Variants in CCDC171 observed in about 807,000 individuals in gnomAD.
CCDC171 encodes coiled-coil domain containing 171.
Under a neutral mutation model 168.2 loss-of-function variants are expected in CCDC171, and 177 were observed. The ratio of observed to expected loss-of-function variants is 1.05; its 90% CI spans 0.93 to 1.19. The LOEUF is 1.19. Among genes scored for constraint, CCDC171 ranks in the 50% most tolerant of loss-of-function variants. The pLI is 0.00. For synonymous variants in CCDC171, 687 were observed against 540.8 expected (o/e 1.27, Z -3.75); for missense variants, 1,991 against 1,539.0 (o/e 1.29, Z -4.91).
chr9:15,572,085 T>A (rs2040270777), intron 3 of CCDC171, among the ~76,000 whole-genome samples: 1 of 152,308 alleles, frequency 6.6e-6, no homozygotes, highest in Admixed American at 6.5e-5. Context: ...TAGGTTCCTT[T>A]AAGGTCTCCA....
In CCDC171 at chr9:15,617,941, C is replaced by T. The variant is rs569862533; in HGVS notation, c.676-5326C>T. On this transcript the variant is annotated intron_variant, in intron 6 of 25. Transcript: ENST00000380701. ...GAGCTCTCTTATATGAGGTGTCTGT[C>T]GATCCCTATTGGGAGGTCTCTCCCA... 2.0e-4 allele frequency among the ~76,000 whole-genome samples: 30 copies of T among 152,290 alleles called. No individual in the cohort carries two copies. The East Asian group carries it at 2.9e-3, about 15-fold the overall frequency.
intron 4 of CCDC171, among the ~76,000 whole-genome samples, chr9:15,588,815 C>G (rs952433404): frequency 2.7e-5 from 4 of 150,316 alleles, no homozygotes; most frequent in Non-Finnish European, 5.9e-5. Flanking sequence ...TCACGTCATT[C>G]TTCTGCCTCA....
chr9:16,106,549 A>C, the CCDC171 span, among the ~76,000 whole-genome samples: 1 of 152,170 alleles, frequency 6.6e-6, no homozygotes, highest in Non-Finnish European at 1.5e-5. Flanking sequence ...GTAAACTGTG[A>C]ATTAGAAACA....
rs764952969 is a variant in CCDC171, at chr9:15,971,872, G to A, written c.*36G>A. 7 of 1,523,070 alleles carry A rather than the reference G, an allele frequency of 4.6e-6. No individual in the cohort carries two copies. Among genetic ancestry groups the A allele is most frequent in the South Asian group, 3.4e-5 (3 of 87,366 alleles). The allele number at this position is 1,523,070 out of a possible 1,614,324, so 94.3% of individuals were successfully genotyped here. On this transcript the variant is annotated 3_prime_UTR_variant, in exon 26 of 26. Coordinates refer to ENST00000380701, the MANE Select transcript of CCDC171 (RefSeq NM_173550.4). ...TTAAAAAATGGAGGAAGAGTTAACA[G>A]TACAATTAAAATTGTTTTGAATGGG...
intron 23 of CCDC171, among the ~76,000 whole-genome samples, chr9:15,853,319 T>C (rs571338828): frequency 1.3e-3 from 192 of 151,902 alleles, no homozygotes; most frequent in Middle Eastern, 6.8e-3. Context: ...TATTCTTAAG[T>C]ATTTTATAAT....
intron 7 of CCDC171, among the ~76,000 whole-genome samples, chr9:15,653,916 G>T (rs944557417): frequency 1.3e-4 from 20 of 152,182 alleles, no homozygotes; most frequent in Non-Finnish European, 2.4e-4. Flanking sequence ...AAAGATTGGG[G>T]TTTAAAAAAA....
rs149826602 is a variant in CCDC171, at chr9:15,780,890, A to T, written c.3081+1740A>T. 5.0e-3 allele frequency among the ~76,000 whole-genome samples: 766 copies of T among 152,214 alleles called. 9 individuals carry two copies. The highest frequency in any genetic ancestry group is 0.017 in the African/African-American group (717 of 41,512). On this transcript the variant is annotated intron_variant, in intron 20 of 25. Coordinates refer to ENST00000380701, the MANE Select transcript of CCDC171 (RefSeq NM_173550.4). The stretch of plus-strand genomic sequence containing the variant: ...TTTTCCATTTTTTGCCATTTTACTT[A>T]AATAATAAAGAGATGTTTATACTTT...
chr9:15,843,533 C>T (rs1050665947), intron 21 of CCDC171, among the ~76,000 whole-genome samples: 8 of 152,004 alleles, frequency 5.3e-5, no homozygotes, highest in African/African-American at 1.4e-4. Flanking sequence ...TATCTCAAGG[C>T]TGTGCTGTTC....
chr9:15,766,663 A>AT (rs35116979), intron 18 of CCDC171, among the ~76,000 whole-genome samples: 66,248 of 151,344 alleles, frequency 0.44, 14,837 homozygotes, highest in Non-Finnish European at 0.48. Context: ...TTTATTTTAT[A>AT]TTTTTTGAGA....
the CCDC171 span, among the ~76,000 whole-genome samples, chr9:16,070,617 T>A: frequency 7.9e-5 from 12 of 152,294 alleles, no homozygotes; most frequent in African/African-American, 2.9e-4. Flanking sequence ...TGGGTGTGAC[T>A]GTCTTCAGAC....
At chr9:15,937,147 C>T (rs909062913) in intron 25 of CCDC171, among the ~76,000 whole-genome samples, 2 of 151,988 alleles carry the variant, frequency 1.3e-5, no homozygotes, top group African/African-American at 2.4e-5. Context: ...GTTGGTTTAA[C>T]CGCCCAATTT....
intron 10 of CCDC171, 50 bp downstream of exon 10, chr9:15,678,946 T>C (rs1237791597): frequency 2.9e-6 from 4 of 1,361,020 alleles, no homozygotes; most frequent in Non-Finnish European, 4.1e-6. Context: ...TAGGTCATAT[T>C]GGATGTATAG....
At position 15,824,611 on chromosome 9, in the gene CCDC171, AG is replaced by A. The variant is rs200026167; in HGVS notation, c.3268-22090del. ...ATGACTTTCACAGAATTCCTTTTGT[AG>A]TTAAAAAACATCTTTTATTAAAATA... is the stretch of plus-strand genomic sequence containing the variant. On this transcript the variant is annotated intron_variant, in intron 21 of 25. Transcript: ENST00000380701. Among the ~76,000 whole-genome samples the A allele has an allele frequency of 4.0e-3, 612 of 152,250 alleles. 18 individuals carry two copies. In the East Asian group the frequency reaches 0.051, roughly 13 times the overall value.
At chr9:15,919,092 C>T (rs905037741) in intron 24 of CCDC171, among the ~76,000 whole-genome samples, 3 of 151,568 alleles carry the variant, frequency 2.0e-5, no homozygotes, top group Non-Finnish European at 4.4e-5. Flanking sequence ...ACAGTAGAAG[C>T]AGGCATGAAG....
chr9:15,726,923 A>G lies in CCDC171; in HGVS notation c.1693-946A>G, dbSNP rs2053845010. ...TTAGAGTTCCATGCTTTGGGACTTTACAGATGAAACACCTTATAAAGAGAG... is the reference window on the plus strand; with the variant it reads ...TTAGAGTTCCATGCTTTGGGACTTTGCAGATGAAACACCTTATAAAGAGAG... On this transcript the variant is annotated intron_variant, in intron 14 of 25. Coordinates refer to ENST00000380701, the MANE Select transcript of CCDC171 (RefSeq NM_173550.4). 3.3e-5 allele frequency among the ~76,000 whole-genome samples: 5 copies of G among 152,256 alleles called. No homozygotes were observed. In the South Asian group the frequency reaches 8.3e-4, roughly 25 times the overall value.
chr9:15,749,931 C>T (rs12003177), intron 18 of CCDC171, among the ~76,000 whole-genome samples: 3,590 of 151,710 alleles, frequency 0.024, 121 homozygotes, highest in African/African-American at 0.081. Context: ...CAAGAGCACA[C>T]AGATTCAAAA....
chr9:15,987,020 C>T (rs1039400107), intron 3 of CCDC171, among the ~76,000 whole-genome samples: 2 of 151,930 alleles, frequency 1.3e-5, no homozygotes, highest in African/African-American at 4.8e-5. Context: ...AAAATGAGAA[C>T]TATGAATGTA....
At chr9:15,966,290 A>G (rs940010571) in intron 25 of CCDC171, among the ~76,000 whole-genome samples, 5 of 152,202 alleles carry the variant, frequency 3.3e-5, no homozygotes, top group Non-Finnish European at 7.4e-5. Flanking sequence ...CTCACCCAAC[A>G]AAGAGCAGAA....
At chr9:15,864,086 GC>G (rs1480334124) in intron 23 of CCDC171, among the ~76,000 whole-genome samples, 5 of 151,940 alleles carry the variant, frequency 3.3e-5, no homozygotes, top group African/African-American at 7.2e-5. Context: ...TCTTGGTTAA[GC>G]TTTTACCTGG....
Sources: gnomAD v4.1 joint callset for allele counts (sites outside exome capture counted in the v4.1 genomes callset) on GRCh38, gnomAD v4.1.1 for gene constraint, MANE v1.5 for transcripts, NCBI Gene and HGNC (gene_info 2026-07-23, HGNC 2026-07-21) for gene names.